Variants in BMPR1B observed in about 807,000 individuals in gnomAD.
BMPR1B encodes bone morphogenetic protein receptor type-1B.
A neutral mutation model predicts 59.1 loss-of-function variants in BMPR1B; 12 were observed. That is an observed-to-expected ratio of 0.20 (90% confidence interval 0.13 to 0.33). The LOEUF (loss-of-function observed/expected upper bound fraction) is 0.33. Ranked by LOEUF, BMPR1B falls within the 10% of genes least tolerant of loss-of-function variation. BMPR1B has a pLI of 1.00. For missense variants in BMPR1B, 550 were observed against 610.9 expected (o/e 0.90, Z 1.05); for synonymous variants, 237 against 207.3 (o/e 1.14, Z -1.23).
intron 2 of BMPR1B, among the ~76,000 whole-genome samples, chr4:94,927,489 GAAGAA>G (rs1728935440): frequency 6.6e-6 from 1 of 152,152 alleles, no homozygotes; most frequent in Non-Finnish European, 1.5e-5. Context: ...TTGAGTTTAT[GAAGAA>G]ACAGATGTTT....
At chr4:95,044,649 G>A (rs1725903752) in intron 3 of BMPR1B, among the ~76,000 whole-genome samples, 1 of 152,156 alleles carries the variant, frequency 6.6e-6, no homozygotes, top group Non-Finnish European at 1.5e-5. Context: ...AGAATAATGT[G>A]TCGCTCGTTC....
intron 1 of BMPR1B, among the ~76,000 whole-genome samples, chr4:94,850,929 T>G (rs1725545596): frequency 6.6e-6 from 1 of 152,238 alleles, no homozygotes; most frequent in African/African-American, 2.4e-5. Context: ...CTTACTTGTG[T>G]GGCTGTGGCT....
chr4:95,152,427 T>C (rs1735110427), intron 11 of BMPR1B, among the ~76,000 whole-genome samples: 1 of 152,214 alleles, frequency 6.6e-6, no homozygotes, highest in Admixed American at 6.5e-5. Context: ...CTTGAAGACC[T>C]ATGACAATAT....
At chr4:94,869,037 T>C (rs1268897134) in intron 1 of BMPR1B, among the ~76,000 whole-genome samples, 1 of 151,970 alleles carries the variant, frequency 6.6e-6, no homozygotes, top group Non-Finnish European at 1.5e-5. Context: ...TAAATTTCTC[T>C]AGAACCTCTT....
intron 2 of BMPR1B, among the ~76,000 whole-genome samples, chr4:94,912,624 C>G (rs138204222): frequency 2.6e-5 from 4 of 152,224 alleles, no homozygotes; most frequent in African/African-American, 9.6e-5. Flanking sequence ...TGTGGTCTTT[C>G]CGAACAACAG....
chr4:94,940,054 T>C (rs930799927), intron 2 of BMPR1B, among the ~76,000 whole-genome samples: 23 of 152,230 alleles, frequency 1.5e-4, no homozygotes, highest in Non-Finnish European at 2.9e-4. Flanking sequence ...GCAACACTAA[T>C]GCATTTGGGA....
At chr4:95,081,296 C>CG (rs1289203238) in intron 3 of BMPR1B, among the ~76,000 whole-genome samples, 1 of 152,098 alleles carries the variant, frequency 6.6e-6, no homozygotes, top group Non-Finnish European at 1.5e-5. Context: ...AGCGTGAGAA[C>CG]GGACTACTAC....
Position 95,152,768 on chromosome 4 carries a change from G to A in BMPR1B, c.1378G>A (p.Asp460Asn). Residue 460 changes from aspartate (D) to asparagine (N), a missense_variant, in exon 12 of 13, where the codon GAT (aspartate) becomes AAT (asparagine). By Grantham distance (23) the Asp-to-Asn change is conservative (BLOSUM62 1). Around this residue, in one of 6 missense-constraint regions of BMPR1B, gnomAD observed 123 missense variants for 164.6 expected, o/e 0.75. Coordinates refer to ENST00000515059, the MANE Select transcript of BMPR1B (RefSeq NM_001203.3). ...CTCATTCCCAAACCGGTGGAGCAGT[G>A]ATGAGGTAAGGCTTGAGGTAACCAT... is the stretch of plus-strand genomic sequence containing the variant. Reference protein sequence around the residue: ...RPSFPNRWSSDECLRQMGKLM... With the variant: ...RPSFPNRWSSNECLRQMGKLM... The A allele has an allele frequency of 6.2e-7, 1 of 1,612,142 alleles. No homozygotes were observed. Among genetic ancestry groups the A allele is most frequent in the Non-Finnish European group, 8.5e-7 (1 of 1,179,192 alleles).
chr4:95,119,527 C>G (rs1732319668), intron 6 of BMPR1B, among the ~76,000 whole-genome samples: 1 of 152,192 alleles, frequency 6.6e-6, no homozygotes, highest in Non-Finnish European at 1.5e-5. Context: ...AATGAATGCT[C>G]AAATTATATA....
At chr4:94,834,836 T>C (rs926879351) in intron 1 of BMPR1B, among the ~76,000 whole-genome samples, 3 of 152,066 alleles carry the variant, frequency 2.0e-5, no homozygotes, top group Admixed American at 6.6e-5. Flanking sequence ...TTAATAACAA[T>C]AAATAAATAT....
At chr4:95,152,907 A>G (rs1030704784) in intron 12 of BMPR1B, 134 bp downstream of exon 12, 2 of 1,142,322 alleles carry the variant, frequency 1.8e-6, no homozygotes, top group African/African-American at 1.6e-5. Context: ...CATTGCAGTA[A>G]TTTATATGAA....
At chr4:94,871,813 A>G (rs752462341) in intron 1 of BMPR1B, among the ~76,000 whole-genome samples, 2 of 152,218 alleles carry the variant, frequency 1.3e-5, no homozygotes, top group Non-Finnish European at 2.9e-5. Context: ...GTGTTGATGC[A>G]TTACTGAAAT....
chr4:95,104,580 A>T lies in BMPR1B; in HGVS notation c.143+13A>T. 3 of 1,613,144 alleles carry T rather than the reference A, an allele frequency of 1.9e-6. No individual in the cohort carries two copies. The highest frequency in any genetic ancestry group is 2.2e-5 in the South Asian group (2 of 91,062). ...ACAATATTTGCAGGTTGGTGATATAAATGATTTAAAGCTAGCTTTAACAAA... is the reference window on the plus strand; with the variant it reads ...ACAATATTTGCAGGTTGGTGATATATATGATTTAAAGCTAGCTTTAACAAA... On this transcript the variant is annotated intron_variant, in intron 4 of 12. Coordinates refer to ENST00000515059, the MANE Select transcript of BMPR1B (RefSeq NM_001203.3).
chr4:94,846,201 A>G (rs1725319033), intron 1 of BMPR1B, among the ~76,000 whole-genome samples: 1 of 152,198 alleles, frequency 6.6e-6, no homozygotes, highest in South Asian at 2.1e-4. Context: ...TGCCAAGAAC[A>G]CACATTGGGG....
intron 1 of BMPR1B, among the ~76,000 whole-genome samples, chr4:94,827,181 G>A (rs1214017956): frequency 1.3e-5 from 2 of 152,032 alleles, no homozygotes; most frequent in African/African-American, 4.8e-5. Context: ...GGCTTCAATA[G>A]CAAAAGCACT....
intron 2 of BMPR1B, among the ~76,000 whole-genome samples, chr4:94,960,735 T>A (rs1238740860): frequency 1.3e-5 from 2 of 151,302 alleles, no homozygotes; most frequent in East Asian, 1.9e-4. Flanking sequence ...ATATATATAT[T>A]TTAGTTTAGA....
intron 3 of BMPR1B, among the ~76,000 whole-genome samples, chr4:95,052,148 T>A (rs1370752916): frequency 6.6e-6 from 1 of 152,180 alleles, no homozygotes; most frequent in East Asian, 1.9e-4. Flanking sequence ...ACTGTTAGAT[T>A]TTTATAGGTT....
At position 94,831,449 on chromosome 4, in the gene BMPR1B, T is replaced by C. The variant is rs1297402873; in HGVS notation, c.-182-44382T>C. Among the ~76,000 whole-genome samples, 5 of 152,150 alleles carry C rather than the reference T, an allele frequency of 3.3e-5. No homozygotes were observed. In the East Asian group the frequency reaches 9.6e-4, roughly 29 times the overall value. On this transcript the variant is annotated intron_variant, in intron 1 of 12. Transcript: ENST00000515059. ...AACATAGATTAGTTAAACCTAAGTATACAATGTTTATAAAGTCTGCATTAG... is the reference window on the plus strand; with the variant it reads ...AACATAGATTAGTTAAACCTAAGTACACAATGTTTATAAAGTCTGCATTAG...
chr4:94,925,221 G>A (rs966664177), intron 2 of BMPR1B, among the ~76,000 whole-genome samples: 3 of 151,908 alleles, frequency 2.0e-5, no homozygotes, highest in Non-Finnish European at 4.4e-5. Flanking sequence ...CAGCATAAAT[G>A]TCTTACACTT....
Sources: allele counts gnomAD v4.1 joint callset (sites outside exome capture counted in the v4.1 genomes callset), GRCh38; gene constraint gnomAD v4.1.1; regional missense constraint gnomAD v4.1.1; transcripts MANE v1.5; gene names NCBI Gene and HGNC (gene_info 2026-07-23, HGNC 2026-07-21).